The following BRD9 variants were observed in gnomAD, a reference collection of about 807,000 sequenced individuals.
BRD9 encodes bromodomain containing 9.
A neutral mutation model predicts 68.7 loss-of-function variants in BRD9; 47 were observed. The observed-to-expected ratio is 0.68, with a 90% confidence interval of 0.54 to 0.87. The LOEUF (loss-of-function observed/expected upper bound fraction) is 0.87, where lower values mean the gene tolerates loss of function less well. BRD9 is among the 40% of genes least tolerant of loss of function. The pLI is 0.00. For missense variants in BRD9, 670 were observed against 748.4 expected (o/e 0.90, Z 1.22); for synonymous variants, 313 against 293.9 (o/e 1.06, Z -0.67).
intron 8 of BRD9, chr5:883,276 G>C: frequency 2.2e-6 from 1 of 452,316 alleles, no homozygotes; most frequent in South Asian, 1.6e-5. Flanking sequence ...TCAAATTAAC[G>C]TTTTCTACAG....
intron 11 of BRD9, among the ~76,000 whole-genome samples, chr5:876,841 G>A (rs1212206124): frequency 6.6e-6 from 1 of 152,238 alleles, no homozygotes; most frequent in Admixed American, 6.5e-5. Flanking sequence ...CACGGTCACA[G>A]GAGGCAACAG....
intron 11 of BRD9, among the ~76,000 whole-genome samples, chr5:877,264 C>A (rs1197899549): frequency 1.3e-5 from 2 of 152,166 alleles, no homozygotes; most frequent in Non-Finnish European, 2.9e-5. Context: ...TGGGCAGAGG[C>A]CCCACAGCAG....
At position 891,755 on chromosome 5, in the gene BRD9, T is replaced by C. The variant is rs1451688511; in HGVS notation, c.152A>G (p.Tyr51Cys). The C allele has an allele frequency of 6.4e-7, 1 of 1,551,700 alleles. No individual in the cohort carries two copies. Among genetic ancestry groups the C allele is most frequent in the Non-Finnish European group, 8.7e-7 (1 of 1,146,998 alleles). The change falls in exon 2 of 16, where the codon TAC becomes TGC. Residue 51 changes from tyrosine to cysteine, a missense_variant. Tyr to Cys is a radical substitution (Grantham distance 194). Around this residue, in one of 5 missense-constraint regions of BRD9, gnomAD observed 161 missense variants for 148.1 expected, o/e 1.09. Transcript: ENST00000467963. ...ELSGSGHDSS[Y>C]YDDRSDHERE... ...CTCATGGTCTGACCTGTCATCATAGTAACTGGAGTCGTGGCCGGATCCTGA... is the reference window on the plus strand; with the variant it reads ...CTCATGGTCTGACCTGTCATCATAGCAACTGGAGTCGTGGCCGGATCCTGA...
At chr5:889,997 C>T (rs1753124096) in intron 3 of BRD9, 1 of 341,100 alleles carries the variant, frequency 2.9e-6, no homozygotes, top group African/African-American at 2.1e-5. Flanking sequence ...CCTGAATTCA[C>T]CGATTATTAT....
intron 9 of BRD9, among the ~76,000 whole-genome samples, chr5:880,557 C>T (rs1402779967): frequency 2.0e-5 from 3 of 152,132 alleles, no homozygotes; most frequent in Non-Finnish European, 4.4e-5. Flanking sequence ...CTGCACGTTC[C>T]TCACGCGAGC....
rs1032628916 is a variant in BRD9 at position 886,688 on chromosome 5, T to C, written c.737A>G (p.Asn246Ser). ...MMSKQAALLG[N>S]EDTAVEEPVP... ...AGGTTCCTCAACAGCTGTATCTTCA[T>C]TGCCCAAAAGAGCTGCCTGCTGAGA... Residue 246 changes from asparagine (N) to serine (S), a missense_variant, in exon 7 of 16, where the codon AAT (asparagine) becomes AGT (serine). Transcript: ENST00000467963. The C allele has an allele frequency of 8.1e-6, 13 of 1,614,090 alleles. No homozygotes were observed. Among genetic ancestry groups the C allele is most frequent in the East Asian group, 6.7e-5 (3 of 44,894 alleles).
intron 10 of BRD9, chr5:878,954 C>T (rs1368028555): frequency 3.5e-4 from 24 of 68,110 alleles, no homozygotes; most frequent in East Asian, 1.1e-3. Context: ...GCACCCCCAA[C>T]CCCAGTGGGA....
chr5:891,658 CTCA>C lies in BRD9; in HGVS notation c.246_248del (p.Asp82del). 1 of 1,551,528 alleles carries C rather than the reference CTCA, an allele frequency of 6.4e-7. No homozygotes were observed. The highest frequency in any genetic ancestry group is 8.7e-7 in the Non-Finnish European group (1 of 1,147,026). On this transcript the variant is annotated inframe_deletion, in exon 2 of 16. Coordinates refer to ENST00000467963, the MANE Select transcript of BRD9 (RefSeq NM_023924.5). ...CCTTTACCTTTCGCTTCCTTCTTTC[CTCA>C]TCGTCCAGATGCTTCTCCTTCTCGG...
At chr5:884,879 G>A (rs568365094) in intron 7 of BRD9, among the ~76,000 whole-genome samples, 1 of 152,374 alleles carries the variant, frequency 6.6e-6, no homozygotes, top group African/African-American at 2.4e-5. Flanking sequence ...GCGCACTGCT[G>A]TGACACTAGG....
intron 4 of BRD9, 110 bp downstream of exon 4, chr5:889,477 G>A (rs1753030197): frequency 1.7e-6 from 2 of 1,200,926 alleles, no homozygotes; most frequent in Non-Finnish European, 1.2e-6. Flanking sequence ...ACCAAGAGAA[G>A]GTGCAGGGTC....
At chr5:870,423 T>G in intron 14 of BRD9, 50 bp downstream of exon 14, 1 of 1,424,580 alleles carries the variant, frequency 7.0e-7, no homozygotes. Context: ...GTTTTCTTCC[T>G]CTATCACACC....
rs746068151 is a variant in BRD9, at chr5:870,525, C to T, written c.1473G>A (p.Ser491=). 5 of 1,614,202 alleles carry T rather than the reference C, an allele frequency of 3.1e-6. No homozygotes were observed. Among genetic ancestry groups the T allele is most frequent in the South Asian group, 2.2e-5 (2 of 91,076 alleles). Residue 491 remains serine (S), a synonymous_variant, in exon 14 of 16, where the codon TCG becomes TCA. Transcript: ENST00000467963. ...DSSSSVLEFM[S]MKSYPDVSVD... ...CAGAAACGTCGGGATAGGACTTCAT[C>T]GACATGAACTCCAGAACAGAGCTGC...
Position 892,753 on chromosome 5 carries a change from C to G in BRD9, c.-96G>C. The stretch of plus-strand genomic sequence containing the variant: ...CGCCCCCTGGCCCTGGCTGGCCGCC[C>G]GCGCTCGCTGCGCCGAGGTTGCCGA... On this transcript the variant is annotated 5_prime_UTR_variant, in exon 1 of 16. Coordinates refer to ENST00000467963, the MANE Select transcript of BRD9 (RefSeq NM_023924.5). The G allele has an allele frequency of 2.6e-6, 3 of 1,173,726 alleles. No homozygotes were observed. The highest frequency in any genetic ancestry group is 3.2e-6 in the Non-Finnish European group (3 of 934,858). 72.7% of individuals were successfully genotyped at this position (1,173,726 alleles called of 1,614,324 possible).
At chr5:869,513 C>T in intron 14 of BRD9, 1 of 362,204 alleles carries the variant, frequency 2.8e-6, no homozygotes, top group Non-Finnish European at 5.4e-6. Context: ...CCTGCCCCTT[C>T]CAAGTCTCTT....
At chr5:865,156 G>T (rs1315213997) in intron 15 of BRD9, among the ~76,000 whole-genome samples, 1 of 152,218 alleles carries the variant, frequency 6.6e-6, no homozygotes, top group Non-Finnish European at 1.5e-5. Context: ...AGGGCACAGG[G>T]GTGGACAGAA....
At chr5:877,321 A>C (rs1274704612) in intron 11 of BRD9, among the ~76,000 whole-genome samples, 1 of 152,138 alleles carries the variant, frequency 6.6e-6, no homozygotes, top group African/African-American at 2.4e-5. Context: ...ACAACTCTTT[A>C]ATTTCTGACT....
intron 1 of BRD9, 130 bp downstream of exon 1, chr5:892,476 G>C: frequency 7.0e-7 from 1 of 1,438,654 alleles, no homozygotes; most frequent in South Asian, 1.4e-5. Flanking sequence ...ACCCCCTCCC[G>C]CGTGCCCAGA....
At chr5:868,808 T>C (rs1433846175) in intron 14 of BRD9, 1 of 153,374 alleles carries the variant, frequency 6.5e-6, no homozygotes, top group East Asian at 1.9e-4. Context: ...CCTTCCCCTA[T>C]AATAAATCAC....
Position 891,019 on chromosome 5 carries a change from C to T in BRD9, c.400+136G>A, listed in dbSNP as rs780027016. 29 of 1,176,274 alleles carry T rather than the reference C, an allele frequency of 2.5e-5. No homozygotes were observed. The East Asian group carries it at 7.4e-4, about 30-fold the overall frequency. The allele number at this position is 1,176,274 out of a possible 1,614,324, so 72.9% of individuals were successfully genotyped here. On this transcript the variant is annotated intron_variant, in intron 3 of 15. Coordinates refer to ENST00000467963, the MANE Select transcript of BRD9 (RefSeq NM_023924.5). ...GGAGGAAACCTCAGGCCAGAGGACA[C>T]CTGGGATGAGGCCCTGGAAATACCA...
Sources: gnomAD v4.1 joint callset for allele counts (sites outside exome capture counted in the v4.1 genomes callset) on GRCh38, gnomAD v4.1.1 for gene constraint, gnomAD v4.1.1 regional missense constraint, MANE v1.5 for transcripts, NCBI Gene and HGNC (gene_info 2026-07-23, HGNC 2026-07-21) for gene names.